The following ANAPC10 variants were observed in gnomAD, a reference collection of about 807,000 sequenced individuals.
ANAPC10 encodes anaphase promoting complex subunit 10.
Under a neutral mutation model 22.0 loss-of-function variants are expected in ANAPC10, and 12 were observed. The ratio of observed to expected loss-of-function variants is 0.55; its 90% CI spans 0.35 to 0.88. The LOEUF (loss-of-function observed/expected upper bound fraction) is 0.88, where lower values mean the gene tolerates loss of function less well. Among genes scored for constraint, ANAPC10 ranks in the 40% least tolerant of loss-of-function variants. The pLI, the probability that ANAPC10 is intolerant of heterozygous loss-of-function variation, is 0.01. For missense variants in ANAPC10, 188 were observed against 220.9 expected (o/e 0.85, Z 0.94); for synonymous variants, 65 against 69.5 (o/e 0.94, Z 0.32).
intron 4 of ANAPC10, among the ~76,000 whole-genome samples, chr4:145,047,987 G>C (rs1211897982): frequency 6.6e-6 from 1 of 152,050 alleles, no homozygotes; most frequent in Non-Finnish European, 1.5e-5. Flanking sequence ...AGGCAAATTA[G>C]GATTGCCCTA....
At chr4:145,009,583 A>C (rs1442846159) in intron 4 of ANAPC10, among the ~76,000 whole-genome samples, 1 of 152,184 alleles carries the variant, frequency 6.6e-6, no homozygotes, top group African/African-American at 2.4e-5. Flanking sequence ...AGGATTCCCT[A>C]TTTAACAAAT....
chr4:145,084,310 T>C (rs1224947231), intron 2 of ANAPC10, among the ~76,000 whole-genome samples: 1 of 152,110 alleles, frequency 6.6e-6, no homozygotes. Context: ...GATAAAGAGG[T>C]AGAATGGTAA....
intron 4 of ANAPC10, among the ~76,000 whole-genome samples, chr4:145,025,425 T>C (rs185767040): frequency 4.6e-5 from 7 of 150,810 alleles, no homozygotes; most frequent in East Asian, 4.0e-4. Context: ...TTAGAGACCA[T>C]TGTCAAGTTA....
At chr4:145,081,523 ATAATC>A in intron 3 of ANAPC10, 132 bp downstream of exon 3, 1 of 538,676 alleles carries the variant, frequency 1.9e-6, no homozygotes, top group Non-Finnish European at 3.2e-6. Context: ...GAACTGAAAA[ATAATC>A]TATAAGACTT....
chr4:145,012,164 ATGTGTGTGTG>A (rs201645751), intron 4 of ANAPC10, among the ~76,000 whole-genome samples: 4 of 138,962 alleles, frequency 2.9e-5, no homozygotes, highest in Non-Finnish European at 4.7e-5. Flanking sequence ...CTATATGTAT[ATGTGTGTGTG>A]TGTATATATA....
intron 4 of ANAPC10, among the ~76,000 whole-genome samples, chr4:145,007,761 A>T (rs1733625639): frequency 6.6e-6 from 1 of 152,166 alleles, no homozygotes; most frequent in South Asian, 2.1e-4. Context: ...ATCACAATTA[A>T]AAGAACTAGA....
intron 3 of ANAPC10, among the ~76,000 whole-genome samples, chr4:145,080,612 A>AAAAT: frequency 6.6e-6 from 1 of 152,308 alleles, no homozygotes; most frequent in Middle Eastern, 3.4e-3. Context: ...ATAGAATGTT[A>AAAAT]AAATAGATGG....
chr4:144,995,186 T>C lies in ANAPC10; in HGVS notation c.*187A>G. ...TTAGTAATGTAAAATATGTGAGCTT[T>C]ATTACATGTTAAAGAAAATAAAGAT... On this transcript the variant is annotated 3_prime_UTR_variant, in exon 5 of 5. Transcript: ENST00000507656. 1 of 398,784 alleles carries C rather than the reference T, an allele frequency of 2.5e-6. No homozygotes were observed. Among genetic ancestry groups the C allele is most frequent in the Non-Finnish European group, 4.4e-6 (1 of 225,918 alleles). 24.7% of individuals were successfully genotyped at this position (398,784 alleles called of 1,614,324 possible).
intron 3 of ANAPC10, among the ~76,000 whole-genome samples, chr4:145,075,743 C>CA (rs1405100255): frequency 6.6e-6 from 1 of 152,210 alleles, no homozygotes. Flanking sequence ...ACAACCCCCC[C>CA]AGGCATCTGA....
At chr4:145,021,512 A>C (rs1057509274) in intron 4 of ANAPC10, among the ~76,000 whole-genome samples, 3 of 152,178 alleles carry the variant, frequency 2.0e-5, no homozygotes, top group Non-Finnish European at 4.4e-5. Flanking sequence ...CTCACCTTAT[A>C]TAAAAATCAA....
intron 3 of ANAPC10, among the ~76,000 whole-genome samples, chr4:145,070,315 C>G (rs1744311933): frequency 6.6e-6 from 1 of 152,136 alleles, no homozygotes; most frequent in South Asian, 2.1e-4. Flanking sequence ...AGAAGTCTTA[C>G]AGCTTAACAA....
chr4:144,995,072 A>G lies in ANAPC10; in HGVS notation c.*301T>C, dbSNP rs35710483. 237 of 204,590 alleles carry G rather than the reference A, an allele frequency of 1.2e-3. 3 individuals carry two copies. The East Asian group carries it at 0.021, about 18-fold the overall frequency. 12.7% of individuals were successfully genotyped at this position (204,590 alleles called of 1,614,324 possible). ...GCTATTATAATTGTGTATATACTGA[A>G]ATTTTCAGTTCAACTCTTTTCTTTT... On this transcript the variant is annotated 3_prime_UTR_variant, in exon 5 of 5. Transcript: ENST00000507656.
Position 145,012,195 on chromosome 4 carries a change from T to TATAC in ANAPC10, c.328-16593_328-16592insGTAT, listed in dbSNP as rs891496922. Among the ~76,000 whole-genome samples, 188 of 147,162 alleles carry TATAC rather than the reference T, an allele frequency of 1.3e-3. 1 individual carries two copies. Among genetic ancestry groups the TATAC allele is most frequent in the Middle Eastern group, 7.1e-3 (2 of 280 alleles). On this transcript the variant is annotated intron_variant, in intron 4 of 4. Coordinates refer to ENST00000507656, the MANE Select transcript of ANAPC10 (RefSeq NM_001256706.2). Reference sequence around the variant, plus strand: ...GTGTGTGTATATATATATATATATATACACACACACATATATATACATATA... The same window carrying TATAC: ...GTGTGTGTATATATATATATATATATATACACACACACACATATATATACATATA...
intron 4 of ANAPC10, among the ~76,000 whole-genome samples, chr4:145,042,435 A>G (rs1398460981): frequency 3.3e-5 from 5 of 152,204 alleles, no homozygotes; most frequent in Non-Finnish European, 5.9e-5. Flanking sequence ...CTTTATAAAT[A>G]AAATAGATTT....
chr4:145,031,816 A>T (rs1474613284), intron 4 of ANAPC10, among the ~76,000 whole-genome samples: 1 of 152,188 alleles, frequency 6.6e-6, no homozygotes, highest in African/African-American at 2.4e-5. Context: ...TTTGAGAGAC[A>T]TCTCTTGACT....
chr4:145,061,268 T>C (rs1403859455), intron 4 of ANAPC10, among the ~76,000 whole-genome samples: 1 of 152,200 alleles, frequency 6.6e-6, no homozygotes. Flanking sequence ...AAAAGTATTT[T>C]ACAAGGTCCA....
intron 3 of ANAPC10, among the ~76,000 whole-genome samples, chr4:145,075,408 T>C (rs1024953431): frequency 6.6e-6 from 1 of 151,960 alleles, no homozygotes; most frequent in Non-Finnish European, 1.5e-5. Flanking sequence ...AAAACTTTTA[T>C]TTAAAAAGAA....
intron 3 of ANAPC10, among the ~76,000 whole-genome samples, chr4:145,067,322 G>T (rs556569898): frequency 6.6e-6 from 1 of 151,984 alleles, no homozygotes; most frequent in Non-Finnish European, 1.5e-5. Context: ...CTCACTATAC[G>T]CCAGGCATCG....
rs115198335 is a variant in ANAPC10, at chr4:145,003,895, A to G, written c.328-8292T>C. Among the ~76,000 whole-genome samples the G allele has an allele frequency of 9.0e-3, 1,367 of 152,272 alleles. 16 individuals are homozygous for G. Among genetic ancestry groups the G allele is most frequent in the African/African-American group, 0.032 (1,311 of 41,548 alleles). On this transcript the variant is annotated intron_variant, in intron 4 of 4. Coordinates refer to ENST00000507656, the MANE Select transcript of ANAPC10 (RefSeq NM_001256706.2). ...TGTGAACAATGTCATTGGTAATTTGATAGGTATAGCACTGAATCTGTAAAT... is the reference window on the plus strand; with the variant it reads ...TGTGAACAATGTCATTGGTAATTTGGTAGGTATAGCACTGAATCTGTAAAT...
Sources: gnomAD v4.1 joint callset for allele counts (sites outside exome capture counted in the v4.1 genomes callset) on GRCh38, gnomAD v4.1.1 for gene constraint, MANE v1.5 for transcripts, NCBI Gene and HGNC (gene_info 2026-07-23, HGNC 2026-07-21) for gene names.